The following PDZD9 variants were observed in gnomAD, a reference collection of about 807,000 sequenced individuals.
The protein encoded by PDZD9 is PDZ domain containing 9, also known as PDZ domain-containing protein 9.
Under a neutral mutation model 16.3 loss-of-function variants are expected in PDZD9, and 13 were observed. That is an observed-to-expected ratio of 0.80 (90% CI 0.52 to 1.27). PDZD9 has a LOEUF of 1.27. PDZD9 is among the 50% of genes most tolerant of loss of function. The pLI is 0.00. For missense variants in PDZD9, 288 were observed against 310.9 expected (o/e 0.93, Z 0.55); for synonymous variants, 120 against 111.0 (o/e 1.08, Z -0.51).
chr16:21,965,565 A>G, the PDZD9 span: 5 of 1,330,204 alleles, frequency 3.8e-6, no homozygotes, highest in Admixed American at 5.5e-5. Flanking sequence ...AACATCTCCC[A>G]TTTCAGGTTT....
downstream of PDZD9, among the ~76,000 whole-genome samples, chr16:21,982,073 C>G (rs749984242): frequency 2.0e-5 from 3 of 152,068 alleles, no homozygotes; most frequent in Admixed American, 6.5e-5. Flanking sequence ...ATCTCCTGAC[C>G]TCGTGATCCA....
intron 1 of PDZD9, among the ~76,000 whole-genome samples, chr16:21,998,642 A>C (rs1166367600): frequency 1.3e-5 from 2 of 152,002 alleles, no homozygotes; most frequent in African/African-American, 4.8e-5. Context: ...CAGTGAGCTG[A>C]GATGGCGCCA....
At chr16:21,987,283 G>T (rs942344913) in intron 3 of PDZD9, among the ~76,000 whole-genome samples, 7 of 152,150 alleles carry the variant, frequency 4.6e-5, no homozygotes, top group Non-Finnish European at 1.0e-4. Context: ...AGCTGGGTGT[G>T]TTGGCATGCG....
the PDZD9 span, chr16:21,968,789 C>G: frequency 9.8e-7 from 1 of 1,015,782 alleles, no homozygotes; most frequent in Non-Finnish European, 1.4e-6. Context: ...AAAACTTCGG[C>G]CTTCTATTTA....
At chr16:21,961,471 T>G in the PDZD9 span, 1 of 238,808 alleles carries the variant, frequency 4.2e-6, no homozygotes, top group East Asian at 1.2e-4. Context: ...TTAAGGTATT[T>G]TAATTTTTTA....
intron 2 of PDZD9, among the ~76,000 whole-genome samples, chr16:21,989,565 T>G (rs1301780748): frequency 6.6e-6 from 1 of 152,206 alleles, no homozygotes; most frequent in East Asian, 1.9e-4. Context: ...ATAGACCATA[T>G]TAAACATAAA....
At position 21,984,035 on chromosome 16, in the gene PDZD9, C is replaced by T; in HGVS notation, c.*232G>A. 2.6e-6 allele frequency: 1 copy of T among 385,408 alleles called. No individual in the cohort carries two copies. The highest frequency in any genetic ancestry group is 4.0e-5 in the East Asian group (1 of 25,080). The allele number at this position is 385,408 out of a possible 1,614,324, so 23.9% of individuals were successfully genotyped here. A position where few individuals can be genotyped will look rare whatever the true frequency, so the allele number is the denominator to read the frequency against. ...CATTTTCTAAAAGAAAGAAATTCTT[C>T]TCAAAAAGGAGGGTCTTATTCTGAA... On this transcript the variant is annotated 3_prime_UTR_variant, in exon 4 of 4. Transcript: ENST00000424898.
intron 2 of PDZD9, among the ~76,000 whole-genome samples, chr16:21,990,512 T>C (rs1167325698): frequency 6.6e-6 from 1 of 152,188 alleles, no homozygotes; most frequent in African/African-American, 2.4e-5. Flanking sequence ...AACCTTCTAC[T>C]TTGGTCTTAA....
At chr16:21,968,114 G>A in the PDZD9 span, among the ~76,000 whole-genome samples, 1 of 150,156 alleles carries the variant, frequency 6.7e-6, no homozygotes, top group Non-Finnish European at 1.5e-5. Flanking sequence ...CAATTCTCGT[G>A]CCTCAGCCAC....
chr16:21,969,693 A>G, the PDZD9 span, among the ~76,000 whole-genome samples: 2 of 152,180 alleles, frequency 1.3e-5, no homozygotes, highest in African/African-American at 2.4e-5. Context: ...TATAATTTAC[A>G]TGCTATAAAA....
chr16:21,983,035 A>G (rs1898772651), downstream of PDZD9: 1 of 1,410,134 alleles, frequency 7.1e-7, no homozygotes, highest in East Asian at 2.4e-5. Flanking sequence ...CGCCTGCTTG[A>G]TGATATATAT....
downstream of PDZD9, among the ~76,000 whole-genome samples, chr16:21,980,947 G>C (rs1000795013): frequency 1.3e-5 from 2 of 152,110 alleles, no homozygotes; most frequent in Non-Finnish European, 1.5e-5. Context: ...CAGTAAGAGG[G>C]CTGCCATCCA....
the PDZD9 span, chr16:21,965,285 C>G: frequency 2.2e-4 from 169 of 770,322 alleles, no homozygotes; most frequent in Admixed American, 4.9e-4. Flanking sequence ...AATTTTAAGT[C>G]CTCTTAACAT....
intron 1 of PDZD9, among the ~76,000 whole-genome samples, chr16:21,996,983 C>T (rs116666067): frequency 6.0e-4 from 92 of 152,066 alleles, no homozygotes; most frequent in African/African-American, 1.6e-3. Context: ...CTACTATACA[C>T]GGCTAATTTT....
At chr16:21,976,997 A>T in the PDZD9 span, 2 of 150,126 alleles carry the variant, frequency 1.3e-5, no homozygotes, top group Non-Finnish European at 3.0e-5. Context: ...TTCCCAACTA[A>T]GTTAAGAGTT....
chr16:21,973,577 C>G, the PDZD9 span, among the ~76,000 whole-genome samples: 21 of 152,232 alleles, frequency 1.4e-4, no homozygotes, highest in African/African-American at 5.1e-4. Context: ...CAAAGCCTAT[C>G]TATATTATAA....
the PDZD9 span, chr16:21,968,577 C>G: frequency 2.7e-6 from 4 of 1,485,478 alleles, no homozygotes; most frequent in African/African-American, 4.3e-5. Flanking sequence ...GTTTTTACAG[C>G]TTTTTATATT....
At chr16:21,959,367 A>G in the PDZD9 span, 1 of 275,276 alleles carries the variant, frequency 3.6e-6, no homozygotes, top group South Asian at 3.6e-5. Flanking sequence ...CCAGGAGCAG[A>G]TTCTATCTCA....
the PDZD9 span, chr16:21,959,905 A>G: frequency 2.0e-5 from 3 of 152,182 alleles, no homozygotes; most frequent in African/African-American, 7.2e-5. Context: ...TTTCTGAGCA[A>G]TGGGCTTAAA....
Sources: gnomAD v4.1 joint callset for allele counts (sites outside exome capture counted in the v4.1 genomes callset) on GRCh38, gnomAD v4.1.1 for gene constraint, MANE v1.5 for transcripts, NCBI Gene and HGNC (gene_info 2026-07-23, HGNC 2026-07-21) for gene names.